Variants in PDE1C observed in about 807,000 individuals in gnomAD.
PDE1C encodes phosphodiesterase 1C.
A neutral mutation model predicts 93.1 loss-of-function variants in PDE1C; 62 were observed. That is an observed-to-expected ratio of 0.67 (90% CI 0.54 to 0.82). PDE1C has a LOEUF of 0.82. Ranked by LOEUF, PDE1C falls within the 40% of genes least tolerant of loss-of-function variation. PDE1C has a pLI of 0.00. For missense variants in PDE1C, 742 were observed against 884.6 expected (o/e 0.84, Z 2.04); for synonymous variants, 325 against 310.1 (o/e 1.05, Z -0.50).
chr7:32,379,492 T>C (rs371987387), intron 1 of PDE1C, among the ~76,000 whole-genome samples: 2 of 152,114 alleles, frequency 1.3e-5, no homozygotes, highest in Admixed American at 6.5e-5. Flanking sequence ...GATTGTCAGT[T>C]CCCAGCAATG....
chr7:31,626,587 C>G, the PDE1C span, among the ~76,000 whole-genome samples: 1 of 152,122 alleles, frequency 6.6e-6, no homozygotes, highest in South Asian at 2.1e-4. Flanking sequence ...TTCAGAATTT[C>G]TCTTCTGAAT....
In PDE1C at chr7:31,816,111, G is replaced by A. The variant is rs371391797; in HGVS notation, c.1626C>T (p.Ala542=). ...KKEAEEKARL[A]AEEQQKEMEA... The stretch of plus-strand genomic sequence containing the variant: ...CCATTTCCTTTTGCTGCTCCTCTGC[G>A]GCCAGGCGAGCCTTTTCCTCTGCTT... Residue 542 remains alanine (A), a synonymous_variant, in exon 15 of 18, where the codon GCC becomes GCT. Transcript: ENST00000396191. 3.5e-5 allele frequency: 56 copies of A among 1,613,666 alleles called. No homozygotes were observed. Among genetic ancestry groups the A allele is most frequent in the African/African-American group, 1.7e-4 (13 of 74,808 alleles).
At chr7:32,120,498 C>T (rs547605338) in intron 3 of PDE1C, among the ~76,000 whole-genome samples, 23 of 152,266 alleles carry the variant, frequency 1.5e-4, no homozygotes, top group South Asian at 1.2e-3. Context: ...TGGTACCCCA[C>T]GAGGTCAGAG....
chr7:32,394,805 C>G (rs551150607), intron 1 of PDE1C, among the ~76,000 whole-genome samples: 6 of 152,160 alleles, frequency 3.9e-5, no homozygotes, highest in Non-Finnish European at 7.4e-5. Flanking sequence ...CAGAGCGAGA[C>G]CCTGTCTGAA....
chr7:32,126,348 G>A (rs893732249), intron 3 of PDE1C, among the ~76,000 whole-genome samples: 31 of 152,202 alleles, frequency 2.0e-4, no homozygotes, highest in African/African-American at 7.0e-4. Flanking sequence ...CTTACTCAAG[G>A]AAGAGTGGCA....
chr7:32,389,576 A>C (rs1784713949), intron 1 of PDE1C, among the ~76,000 whole-genome samples: 1 of 152,190 alleles, frequency 6.6e-6, no homozygotes, highest in South Asian at 2.1e-4. Context: ...CATGGGATGC[A>C]CCAAGTTCAA....
At chr7:31,638,075 G>A in the PDE1C span, among the ~76,000 whole-genome samples, 1 of 152,166 alleles carries the variant, frequency 6.6e-6, no homozygotes, top group East Asian at 1.9e-4. Flanking sequence ...CCACCAAAGT[G>A]TGCAGGGCCA....
At chr7:32,287,852 G>A (rs986466555) in intron 1 of PDE1C, among the ~76,000 whole-genome samples, 1 of 152,214 alleles carries the variant, frequency 6.6e-6, no homozygotes, top group Non-Finnish European at 1.5e-5. Flanking sequence ...AATCTGCACA[G>A]GAAAAGGAAT....
rs138474357 is a variant in PDE1C, at chr7:32,113,872, G to A, written c.308+55913C>T. On this transcript the variant is annotated intron_variant, in intron 3 of 18. Coordinates refer to the PDE1C transcript ENST00000396193. ...GAGAGCCAAATCATGAATGAACTCC[G>A]ATTCACAATTGCTACAAAGAGAATA... Among the ~76,000 whole-genome samples, 1,142 of 152,004 alleles carry A rather than the reference G, an allele frequency of 7.5e-3. 8 individuals carry two copies. Among genetic ancestry groups the A allele is most frequent in the African/African-American group, 0.022 (903 of 41,466 alleles).
the PDE1C span, among the ~76,000 whole-genome samples, chr7:31,617,653 G>A: frequency 0.095 from 384 of 4,024 alleles, no homozygotes; most frequent in African/African-American, 0.25. Context: ...TCTTTTAAAG[G>A]AAAAAAAAAC....
At chr7:32,310,287 C>A (rs1052652804) in intron 1 of PDE1C, among the ~76,000 whole-genome samples, 2 of 151,882 alleles carry the variant, frequency 1.3e-5, no homozygotes, top group Non-Finnish European at 2.9e-5. Flanking sequence ...CTTAGACTCC[C>A]ACACATTAAT....
chr7:32,187,460 G>T (rs188482467), intron 2 of PDE1C, among the ~76,000 whole-genome samples: 1 of 152,084 alleles, frequency 6.6e-6, no homozygotes, highest in East Asian at 1.9e-4. Context: ...CTAATATTAT[G>T]TGAATTTTTA....
intron 1 of PDE1C, among the ~76,000 whole-genome samples, chr7:32,340,924 G>GATACATGTCAGTATACATGTCAGT (rs1783734589): frequency 6.6e-6 from 1 of 152,100 alleles, no homozygotes; most frequent in Admixed American, 6.5e-5. Context: ...TCTAATGATA[G>GATACATGTCAGTATACATGTCAGT]ATACATGTCA....
chr7:31,875,879 G>A (rs1796530748), intron 5 of PDE1C, among the ~76,000 whole-genome samples: 1 of 135,568 alleles, frequency 7.4e-6, no homozygotes, highest in African/African-American at 2.8e-5. Flanking sequence ...TTCAAATTTA[G>A]AGACTGATTC....
At chr7:32,272,198 T>C (rs569531942) in intron 1 of PDE1C, among the ~76,000 whole-genome samples, 2 of 152,220 alleles carry the variant, frequency 1.3e-5, no homozygotes, top group South Asian at 2.1e-4. Context: ...CCGCAGTGAA[T>C]AGTGAGGAGG....
the PDE1C span, among the ~76,000 whole-genome samples, chr7:31,709,309 G>C: frequency 6.6e-6 from 1 of 152,176 alleles, no homozygotes; most frequent in Non-Finnish European, 1.5e-5. Context: ...AACTCTCTGA[G>C]TCTGGTTCTT....
chr7:31,779,780 A>T (rs1263643885), intron 16 of PDE1C, among the ~76,000 whole-genome samples: 1 of 152,166 alleles, frequency 6.6e-6, no homozygotes, highest in African/African-American at 2.4e-5. Context: ...ATCTCTTTCC[A>T]TGAGGAAGCT....
intron 2 of PDE1C, among the ~76,000 whole-genome samples, chr7:31,959,593 G>A (rs1219458158): frequency 6.6e-6 from 1 of 152,112 alleles, no homozygotes; most frequent in Non-Finnish European, 1.5e-5. Context: ...CTAAGACTAT[G>A]GTGACAGGAA....
the PDE1C span, among the ~76,000 whole-genome samples, chr7:31,622,544 G>A: frequency 6.6e-6 from 1 of 151,550 alleles, no homozygotes; most frequent in African/African-American, 2.4e-5. Flanking sequence ...AAATAAAGAT[G>A]TTCTTTGAAA....
Sources: allele counts gnomAD v4.1 joint callset (sites outside exome capture counted in the v4.1 genomes callset), GRCh38; gene constraint gnomAD v4.1.1; transcripts MANE v1.5; gene names NCBI Gene and HGNC (gene_info 2026-07-23, HGNC 2026-07-21).